Variants in CCDC186 observed in about 807,000 individuals in gnomAD.
CCDC186 encodes the protein coiled-coil domain-containing protein 186.
In CCDC186, 49 loss-of-function variants were observed where a neutral mutation model predicts 113.7. That is an observed-to-expected ratio of 0.43 (90% CI 0.34 to 0.55). The LOEUF (loss-of-function observed/expected upper bound fraction) is 0.55. CCDC186 is among the 20% of genes least tolerant of loss of function. The probability of loss-of-function intolerance (pLI) is 0.02; values close to 1 mark genes in which losing one functional copy is unlikely to be tolerated. For synonymous variants in CCDC186, 355 were observed against 345.8 expected, an observed-to-expected ratio of 1.03 and a Z score of -0.30; for missense variants, 890 against 1,011.1, an observed-to-expected ratio of 0.88 and a Z score of 1.62.
chr10:114,136,584 A>G lies in CCDC186; in HGVS notation c.1327-338T>C. 1.3e-5 allele frequency among the ~76,000 whole-genome samples: 2 copies of G among 152,228 alleles called. 1 individual carries two copies. ...GTTTATTAATTGTGAAATACATAGTATACCTAAAATTATTAACCTAAGTTA... is the reference window on the plus strand; with the variant it reads ...GTTTATTAATTGTGAAATACATAGTGTACCTAAAATTATTAACCTAAGTTA... On this transcript the variant is annotated intron_variant, in intron 7 of 15. Coordinates refer to ENST00000369287, the MANE Select transcript of CCDC186 (RefSeq NM_018017.4).
intron 5 of CCDC186, 48 bp from the exon 6 acceptor site, chr10:114,144,664 A>G: frequency 6.7e-7 from 1 of 1,495,606 alleles, no homozygotes; most frequent in East Asian, 2.4e-5. Context: ...AGAATCAATT[A>G]ATTATATCTT....
chr10:114,151,959 C>G (rs1403761353), intron 3 of CCDC186, among the ~76,000 whole-genome samples: 1 of 152,120 alleles, frequency 6.6e-6, no homozygotes, highest in Non-Finnish European at 1.5e-5. Context: ...ATCCATGAAA[C>G]TGTGAAGAAG....
rs377604593 is a variant in CCDC186 at position 114,162,957 on chromosome 10, A to G, written c.312T>C (p.His104=). ...GTTCTGTTTCATTTGTTTTTGAAATATGTTTAGCAAAATTTCCACTAGGAA... is the reference window on the plus strand; with the variant it reads ...GTTCTGTTTCATTTGTTTTTGAAATGTGTTTAGCAAAATTTCCACTAGGAA... ...ANFPSGNFAK[H]ISKTNETEQK... Residue 104 remains histidine (H), a synonymous_variant, in exon 2 of 16, where the codon CAT becomes CAC. Transcript: ENST00000369287. 2.0e-4 allele frequency: 329 copies of G among 1,613,418 alleles called. 4 individuals carry two copies. In the South Asian group the frequency reaches 3.4e-3, roughly 17 times the overall value.
chr10:114,137,284 T>G lies in CCDC186; in HGVS notation c.1228A>C (p.Lys410Gln). Residue 410 changes from lysine to glutamine, a missense_variant, in exon 7 of 16, where the codon AAA becomes CAA. Coordinates refer to ENST00000369287, the MANE Select transcript of CCDC186 (RefSeq NM_018017.4). ...KAEMDSHKET[K>Q]DKLKETTTKL... ...GTTGTTGTTTCTTTGAGTTTATCTT[T>G]GGTTTCCTGCATTGACAAAAGACAG... 1 of 1,612,926 alleles carries G rather than the reference T, an allele frequency of 6.2e-7. No individual in the cohort carries two copies. The highest frequency in any genetic ancestry group is 8.5e-7 in the Non-Finnish European group (1 of 1,179,482).
intron 4 of CCDC186, among the ~76,000 whole-genome samples, chr10:114,149,732 C>CGAAGGAAGGAAGGCAGGAAGGCAGGCAG (rs2119796743): frequency 1.0e-5 from 1 of 98,750 alleles, no homozygotes; most frequent in African/African-American, 4.2e-5. Context: ...GAGGAAGGGA[C>CGAAGGAAGGAAGGCAGGAAGGCAGGCAG]GAAGGAAGGA....
chr10:114,147,821 A>G (rs2031692072), intron 4 of CCDC186, among the ~76,000 whole-genome samples: 1 of 152,080 alleles, frequency 6.6e-6, no homozygotes. Context: ...GTTGTAATAG[A>G]CAAGGTGAAA....
At chr10:114,173,711 G>A (rs570657860) in intron 1 of CCDC186, among the ~76,000 whole-genome samples, 6 of 152,316 alleles carry the variant, frequency 3.9e-5, no homozygotes, top group African/African-American at 9.6e-5. Context: ...CAATGGGCTC[G>A]AATTCAGACG....
chr10:114,132,671 GT>G (rs1369863743), intron 10 of CCDC186, among the ~76,000 whole-genome samples: 1 of 152,188 alleles, frequency 6.6e-6, no homozygotes, highest in Admixed American at 6.5e-5. Context: ...ACTAAAAGAG[GT>G]AGTGGGCTGG....
intron 1 of CCDC186, among the ~76,000 whole-genome samples, chr10:114,164,661 G>C (rs1035335964): frequency 6.6e-6 from 1 of 152,146 alleles, no homozygotes; most frequent in East Asian, 1.9e-4. Flanking sequence ...AGAAATAACA[G>C]AGCAATAATT....
chr10:114,163,212 T>C lies in CCDC186; in HGVS notation c.57A>G (p.Thr19=), dbSNP rs2032233084. 3 of 1,613,658 alleles carry C rather than the reference T, an allele frequency of 1.9e-6. No homozygotes were observed. Among genetic ancestry groups the C allele is most frequent in the African/African-American group, 1.3e-5 (1 of 74,934 alleles). The change falls in exon 2 of 16, where the codon ACA becomes ACG. Residue 19 remains threonine (T), a synonymous_variant. Coordinates refer to ENST00000369287, the MANE Select transcript of CCDC186 (RefSeq NM_018017.4). ...TGCATGAGTCTTCCTTTAATTCAGG[T>C]GTTTTCCCAACATTTTTATCAGAGG... The part of the protein sequence containing the change: ...STSSDKNVGK[T]PELKEDSCNL...
chr10:114,151,002 G>A, intron 4 of CCDC186, 90 bp downstream of exon 4: 2 of 1,454,506 alleles, frequency 1.4e-6, no homozygotes, highest in Non-Finnish European at 1.9e-6. Context: ...ACAATAGTGA[G>A]GTCCAAAATA....
In CCDC186 at chr10:114,167,799, TAAAAAAAAAAA is replaced by T. The variant is rs60257583; in HGVS notation, c.-61-4481_-61-4471del. Among the ~76,000 whole-genome samples the T allele has an allele frequency of 1.3e-3, 91 of 71,300 alleles. 1 individual carries two copies. The East Asian group carries it at 0.039, about 30-fold the overall frequency. The allele number at this position is 71,300 out of a possible 152,430, so 46.8% of individuals were successfully genotyped here. ...GCAACATAACAAGACCTAATCTCCG[TAAAAAAAAAAA>T]AAAAAAAAAAAAAAAAATTGTTAAA... On this transcript the variant is annotated intron_variant, in intron 1 of 15. Transcript: ENST00000369287.
Position 114,153,381 on chromosome 10 carries a change from G to C in CCDC186, c.760-2161C>G, listed in dbSNP as rs557987154. On this transcript the variant is annotated intron_variant, in intron 3 of 15. Coordinates refer to ENST00000369287, the MANE Select transcript of CCDC186 (RefSeq NM_018017.4). ...ACAGAAGAAATTGCAAGGGAAATTAGAAAGTACTAGATGACTAATAAAAAT... is the reference window on the plus strand; with the variant it reads ...ACAGAAGAAATTGCAAGGGAAATTACAAAGTACTAGATGACTAATAAAAAT... Among the ~76,000 whole-genome samples the C allele has an allele frequency of 1.8e-3, 275 of 152,226 alleles. 1 individual carries two copies. The highest frequency in any genetic ancestry group is 6.3e-3 in the African/African-American group (261 of 41,532).
chr10:114,174,024 C>A lies in CCDC186; in HGVS notation c.-71G>T, dbSNP rs769865654. 1 of 471,394 alleles carries A rather than the reference C, an allele frequency of 2.1e-6. No individual in the cohort carries two copies. The highest frequency in any genetic ancestry group is 2.0e-5 in the African/African-American group (1 of 50,100). 29.2% of individuals were successfully genotyped at this position (471,394 alleles called of 1,614,324 possible). A position where few individuals can be genotyped will look rare whatever the true frequency, so the allele number is the denominator to read the frequency against. ...CCCCTCAGACACTTACCCCACTTAT[C>A]CAAGCCTCAGGCCACGCCCTAACAA... On this transcript the variant is annotated 5_prime_UTR_variant, in exon 1 of 16. Coordinates refer to ENST00000369287, the MANE Select transcript of CCDC186 (RefSeq NM_018017.4).
chr10:114,131,122 G>A, intron 12 of CCDC186, 25 bp downstream of exon 12: 1 of 1,434,702 alleles, frequency 7.0e-7, no homozygotes, highest in East Asian at 2.6e-5. Flanking sequence ...CACATTCATG[G>A]TCTAAGTGTG....
rs1279935151 is a variant in CCDC186, at chr10:114,127,684, A to C, written c.2183-13T>G. ...GCATTCAGGGACCCTGAAGACAAAAAAAATTGGTTTAGATACTGTGCTTAA... is the reference window on the plus strand; with the variant it reads ...GCATTCAGGGACCCTGAAGACAAAACAAATTGGTTTAGATACTGTGCTTAA... On this transcript the variant is annotated splice_polypyrimidine_tract_variant and intron_variant, in intron 13 of 15. Coordinates refer to ENST00000369287, the MANE Select transcript of CCDC186 (RefSeq NM_018017.4). 6.2e-7 allele frequency: 1 copy of C among 1,611,078 alleles called. No individual in the cohort carries two copies. Among genetic ancestry groups the C allele is most frequent in the Admixed American group, 1.7e-5 (1 of 59,478 alleles).
At position 114,164,065 on chromosome 10, in the gene CCDC186, A is replaced by AGTGTGTGTGTGTGTGTGT. The variant is rs747232906; in HGVS notation, c.-61-754_-61-737dup. On this transcript the variant is annotated intron_variant, in intron 1 of 15. Transcript: ENST00000369287. The stretch of plus-strand genomic sequence containing the variant: ...AACTTTATTAATTTGACCAAGTTAG[A>AGTGTGTGTGTGTGTGTGT]GTGTGTGTGTGTGTGTGTGTGTGTG... 1.8e-3 allele frequency among the ~76,000 whole-genome samples: 192 copies of AGTGTGTGTGTGTGTGTGT among 107,030 alleles called. 1 individual carries two copies. The highest frequency in any genetic ancestry group is 3.0e-3 in the Admixed American group (26 of 8,588). The allele number at this position is 107,030 out of a possible 152,430, so 70.2% of individuals were successfully genotyped here.
chr10:114,155,155 A>G (rs1264819840), intron 3 of CCDC186, among the ~76,000 whole-genome samples: 1 of 152,204 alleles, frequency 6.6e-6, no homozygotes, highest in Non-Finnish European at 1.5e-5. Context: ...GACATGTTCT[A>G]AAATTGTGGT....
rs1295608444 is a variant in CCDC186, at chr10:114,122,467, T to C, written c.*2676A>G. On this transcript the variant is annotated 3_prime_UTR_variant, in exon 16 of 16. Coordinates refer to ENST00000369287, the MANE Select transcript of CCDC186 (RefSeq NM_018017.4). ...TATTCACTTCAAAATTAAAACCTAT[T>C]GAAGTGTATACATATACATACACAG... The C allele has an allele frequency of 6.6e-6, 1 of 152,176 alleles. No individual in the cohort carries two copies. Among genetic ancestry groups the C allele is most frequent in the Non-Finnish European group, 1.5e-5 (1 of 68,014 alleles). The allele number at this position is 152,176 out of a possible 1,614,324, so 9.4% of individuals were successfully genotyped here.
Sources: gnomAD v4.1 joint callset for allele counts (sites outside exome capture counted in the v4.1 genomes callset) on GRCh38, gnomAD v4.1.1 for gene constraint, MANE v1.5 for transcripts, NCBI Gene and HGNC (gene_info 2026-07-23, HGNC 2026-07-21) for gene names.